Variants in RBFOX1 observed in about 807,000 individuals in gnomAD.
RBFOX1 encodes the protein RNA binding protein fox-1 homolog 1.
Under a neutral mutation model 57.7 loss-of-function variants are expected in RBFOX1, and 8 were observed. The observed-to-expected ratio is 0.14, with a 90% CI of 0.08 to 0.25. RBFOX1 has a LOEUF of 0.25. Ranked by LOEUF, RBFOX1 falls within the 10% of genes least tolerant of loss-of-function variation. The pLI, the probability that RBFOX1 is intolerant of heterozygous loss-of-function variation, is 1.00. For synonymous variants in RBFOX1, 326 were observed against 222.4 expected, an observed-to-expected ratio of 1.47 and a Z score of -4.15; for missense variants, 611 against 548.5, an observed-to-expected ratio of 1.11 and a Z score of -1.14.
At chr16:6,238,839 T>C (rs2097525000) in intron 1 of RBFOX1, among the ~76,000 whole-genome samples, 1 of 152,214 alleles carries the variant, frequency 6.6e-6, no homozygotes, top group African/African-American at 2.4e-5. Flanking sequence ...CAATGTGAAA[T>C]AATTTTATCA....
At chr16:6,245,991 G>A (rs1379511213) in intron 1 of RBFOX1, among the ~76,000 whole-genome samples, 1 of 152,064 alleles carries the variant, frequency 6.6e-6, no homozygotes, top group Non-Finnish European at 1.5e-5. Flanking sequence ...TTTTCTAAAT[G>A]CTCTTTAACT....
chr16:5,306,601 C>G (rs1032870424), intron 1 of RBFOX1, among the ~76,000 whole-genome samples: 10 of 152,164 alleles, frequency 6.6e-5, no homozygotes, highest in African/African-American at 2.4e-4. Flanking sequence ...GTCACCATGC[C>G]TGGCCGGGGT....
intron 4 of RBFOX1, among the ~76,000 whole-genome samples, chr16:7,305,177 G>C (rs1484588145): frequency 6.6e-6 from 1 of 151,904 alleles, no homozygotes; most frequent in Non-Finnish European, 1.5e-5. Context: ...TAGTGGTCTT[G>C]CTGAGGGAGT....
At chr16:5,925,318 C>G (rs528736758) in intron 4 of RBFOX1, among the ~76,000 whole-genome samples, 3 of 152,288 alleles carry the variant, frequency 2.0e-5, no homozygotes, top group East Asian at 3.9e-4. Flanking sequence ...GGATATTATT[C>G]AGCCTTGAAA....
chr16:7,134,885 G>T (rs962416458), intron 4 of RBFOX1, among the ~76,000 whole-genome samples: 1 of 151,874 alleles, frequency 6.6e-6, no homozygotes, highest in Non-Finnish European at 1.5e-5. Flanking sequence ...TCACTGTGAG[G>T]CAGCATTCTT....
At chr16:6,065,730 C>G (rs182433551) in intron 1 of RBFOX1, among the ~76,000 whole-genome samples, 50 of 152,268 alleles carry the variant, frequency 3.3e-4, no homozygotes, top group Non-Finnish European at 5.0e-4. Context: ...TACTAAGTTC[C>G]AGACAGTGTC....
chr16:5,739,355 C>A (rs942615146), intron 3 of RBFOX1, among the ~76,000 whole-genome samples: 1 of 152,168 alleles, frequency 6.6e-6, no homozygotes, highest in Non-Finnish European at 1.5e-5. Flanking sequence ...ACTCAAGGCA[C>A]CGGTAATACA....
chr16:5,258,367 A>G (rs1178917704), intron 1 of RBFOX1, among the ~76,000 whole-genome samples: 2 of 152,038 alleles, frequency 1.3e-5, no homozygotes, highest in South Asian at 4.2e-4. Flanking sequence ...TTGCTTCATG[A>G]TATTCACCCC....
intron 2 of RBFOX1, among the ~76,000 whole-genome samples, chr16:6,411,908 C>T (rs779238758): frequency 1.4e-4 from 21 of 151,900 alleles, no homozygotes; most frequent in Non-Finnish European, 2.6e-4. Flanking sequence ...CTGAGGTGGT[C>T]GGCTTACGAG....
chr16:6,303,928 C>G (rs1444175697), intron 1 of RBFOX1, among the ~76,000 whole-genome samples: 5 of 148,678 alleles, frequency 3.4e-5, no homozygotes, highest in Non-Finnish European at 5.9e-5. Flanking sequence ...TCTCTTGCCT[C>G]AGCCTCCTGA....
intron 4 of RBFOX1, among the ~76,000 whole-genome samples, chr16:7,113,543 A>G (rs918857060): frequency 6.6e-6 from 1 of 152,166 alleles, no homozygotes; most frequent in African/African-American, 2.4e-5. Context: ...TAACAGGAAT[A>G]TATTATGCAA....
intron 3 of RBFOX1, among the ~76,000 whole-genome samples, chr16:6,995,164 C>T (rs1462899891): frequency 1.3e-5 from 2 of 152,076 alleles, no homozygotes; most frequent in African/African-American, 4.8e-5. Flanking sequence ...TTGTTATGGA[C>T]ATTTCTCTTA....
At chr16:6,618,596 A>C (rs1202299377) in intron 2 of RBFOX1, among the ~76,000 whole-genome samples, 1 of 152,252 alleles carries the variant, frequency 6.6e-6, no homozygotes, top group East Asian at 1.9e-4. Context: ...GGAGAGAATC[A>C]GAATACAGAA....
intron 2 of RBFOX1, among the ~76,000 whole-genome samples, chr16:6,620,748 C>G (rs1481216258): frequency 1.3e-5 from 2 of 152,136 alleles, no homozygotes; most frequent in Non-Finnish European, 2.9e-5. Flanking sequence ...ACTAGAAACT[C>G]TGAAAGAAAT....
At chr16:5,476,173 T>C (rs1405145323) in intron 2 of RBFOX1, among the ~76,000 whole-genome samples, 1 of 152,188 alleles carries the variant, frequency 6.6e-6, no homozygotes, top group African/African-American at 2.4e-5. Context: ...CTTGTTAAAA[T>C]GCAGAATCAG....
intron 2 of RBFOX1, among the ~76,000 whole-genome samples, chr16:6,475,772 A>C (rs1253262134): frequency 6.6e-6 from 1 of 152,202 alleles, no homozygotes; most frequent in Non-Finnish European, 1.5e-5. Context: ...GCTTTTCTAC[A>C]GGAAAATATT....
At chr16:5,709,191 T>C (rs749024366) in intron 3 of RBFOX1, among the ~76,000 whole-genome samples, 7 of 152,154 alleles carry the variant, frequency 4.6e-5, no homozygotes, top group Non-Finnish European at 5.9e-5. Flanking sequence ...CAGTGAGAGA[T>C]AGATTAGAAA....
intron 1 of RBFOX1, among the ~76,000 whole-genome samples, chr16:6,182,936 T>C (rs2097075722): frequency 6.6e-6 from 1 of 152,208 alleles, no homozygotes; most frequent in South Asian, 2.1e-4. Context: ...TTAAAATGTG[T>C]TTATACTAAT....
intron 6 of RBFOX1, among the ~76,000 whole-genome samples, chr16:7,585,402 A>G: frequency 6.6e-6 from 1 of 152,190 alleles, no homozygotes; most frequent in East Asian, 1.9e-4. Flanking sequence ...AGTAAGCTGC[A>G]CGTTTGTTGG....
Sources: gnomAD v4.1 joint callset for allele counts (sites outside exome capture counted in the v4.1 genomes callset) on GRCh38, gnomAD v4.1.1 for gene constraint, MANE v1.5 for transcripts, NCBI Gene and HGNC (gene_info 2026-07-23, HGNC 2026-07-21) for gene names.